The following NELL1 variants were observed in gnomAD, a reference collection of about 807,000 sequenced individuals.
NELL1 encodes the protein protein kinase C-binding protein NELL1.
In NELL1, 76 loss-of-function variants were observed where a neutral mutation model predicts 107.4. The ratio of observed to expected loss-of-function variants is 0.71; its 90% CI spans 0.59 to 0.86. The LOEUF (loss-of-function observed/expected upper bound fraction) is 0.86, where lower values mean the gene tolerates loss of function less well. Among genes scored for constraint, NELL1 ranks in the 40% least tolerant of loss-of-function variants. The pLI is 0.00. For synonymous variants in NELL1, 353 were observed against 341.2 expected (o/e 1.03, Z -0.38); for missense variants, 1,024 against 1,005.5 (o/e 1.02, Z -0.25).
At chr11:21,281,689 C>A (rs1848998067) in intron 14 of NELL1, among the ~76,000 whole-genome samples, 1 of 152,002 alleles carries the variant, frequency 6.6e-6, no homozygotes, top group Non-Finnish European at 1.5e-5. Context: ...ACCCCCAGAT[C>A]CAGAGAGAGA....
intron 15 of NELL1, among the ~76,000 whole-genome samples, chr11:21,446,180 TG>T (rs1223299267): frequency 6.6e-6 from 1 of 152,246 alleles, no homozygotes; most frequent in African/African-American, 2.4e-5. Context: ...CCAGAATTTC[TG>T]CTTGATTTTT....
At chr11:21,296,301 AAAG>A (rs1849374869) in intron 14 of NELL1, among the ~76,000 whole-genome samples, 1 of 151,956 alleles carries the variant, frequency 6.6e-6, no homozygotes, top group African/African-American at 2.4e-5. Flanking sequence ...AATTTTAAAA[AAAG>A]ACCAAAAAAC....
chr11:20,716,871 A>C (rs2133903202), intron 2 of NELL1, among the ~76,000 whole-genome samples: 1 of 152,362 alleles, frequency 6.6e-6, no homozygotes. Flanking sequence ...GTGAGTGTTA[A>C]CTGTTGCCTT....
At chr11:21,122,053 G>A (rs1292435244) in intron 13 of NELL1, among the ~76,000 whole-genome samples, 2 of 152,130 alleles carry the variant, frequency 1.3e-5, no homozygotes, top group Non-Finnish European at 1.5e-5. Flanking sequence ...GTGTTTGATT[G>A]TTTTGTTGGG....
chr11:21,093,810 C>T (rs976143989), intron 12 of NELL1, among the ~76,000 whole-genome samples: 2 of 152,096 alleles, frequency 1.3e-5, no homozygotes, highest in African/African-American at 4.8e-5. Context: ...AAAGACTTGC[C>T]CCCATGATTC....
intron 4 of NELL1, among the ~76,000 whole-genome samples, chr11:20,870,237 G>T (rs1436043126): frequency 6.6e-6 from 1 of 152,206 alleles, no homozygotes; most frequent in African/African-American, 2.4e-5. Context: ...GTTAAGTCCA[G>T]AATTTAGAAT....
At chr11:21,356,263 G>T (rs1215823192) in intron 14 of NELL1, among the ~76,000 whole-genome samples, 1 of 152,086 alleles carries the variant, frequency 6.6e-6, no homozygotes, top group Non-Finnish European at 1.5e-5. Context: ...TTGAGCCCTG[G>T]TTCTGAGTAA....
At chr11:21,105,483 C>T (rs1194098787) in intron 12 of NELL1, among the ~76,000 whole-genome samples, 1 of 152,106 alleles carries the variant, frequency 6.6e-6, no homozygotes, top group Non-Finnish European at 1.5e-5. Context: ...GCCATGTTGC[C>T]TGCTCCCTAC....
intron 12 of NELL1, among the ~76,000 whole-genome samples, chr11:21,100,019 C>CT (rs199853688): frequency 0.015 from 2,202 of 151,310 alleles, 64 homozygotes; most frequent in African/African-American, 0.051. Context: ...GCCATTTTAG[C>CT]CCTTTTTTTT....
intron 2 of NELL1, among the ~76,000 whole-genome samples, chr11:20,748,985 C>T (rs1353330070): frequency 6.6e-6 from 1 of 151,578 alleles, no homozygotes; most frequent in African/African-American, 2.4e-5. Context: ...TACTGAGGGG[C>T]TGTTATACCC....
chr11:21,118,935 T>C (rs1211307114), intron 13 of NELL1, among the ~76,000 whole-genome samples: 2 of 152,220 alleles, frequency 1.3e-5, no homozygotes, highest in East Asian at 1.9e-4. Context: ...CATTGATTTA[T>C]TGGATGATTG....
chr11:20,975,834 C>CAT (rs201909995), intron 12 of NELL1, among the ~76,000 whole-genome samples: 16,402 of 117,092 alleles, frequency 0.14, 1,685 homozygotes, highest in African/African-American at 0.23. Flanking sequence ...TATATATGTA[C>CAT]ATATGTGTAT....
intron 12 of NELL1, among the ~76,000 whole-genome samples, chr11:21,010,037 G>A (rs867667850): frequency 1.3e-5 from 2 of 150,462 alleles, no homozygotes; most frequent in Middle Eastern, 3.4e-3. Context: ...CCCAGGAATG[G>A]TGGTGTGAAG....
chr11:20,911,154 T>C (rs563967295), intron 5 of NELL1, among the ~76,000 whole-genome samples: 1 of 152,338 alleles, frequency 6.6e-6, no homozygotes, highest in South Asian at 2.1e-4. Context: ...AAGAACTTTG[T>C]GCTTGAGCTC....
intron 12 of NELL1, among the ~76,000 whole-genome samples, chr11:20,986,682 A>G (rs1851859569): frequency 6.6e-6 from 1 of 151,870 alleles, no homozygotes; most frequent in Non-Finnish European, 1.5e-5. Context: ...GGTCAGGAAC[A>G]TGCTTTTAGA....
At chr11:20,755,543 T>TA (rs1564894949) in intron 2 of NELL1, among the ~76,000 whole-genome samples, 7 of 39,316 alleles carry the variant, frequency 1.8e-4, no homozygotes, top group Non-Finnish European at 2.8e-4. Context: ...GGTTTTTGTT[T>TA]TTTTTTGTTT....
chr11:20,875,299 T>A (rs1355556180), intron 4 of NELL1, among the ~76,000 whole-genome samples: 1 of 152,220 alleles, frequency 6.6e-6, no homozygotes, highest in Non-Finnish European at 1.5e-5. Context: ...TTCATCTGAT[T>A]TGGCCCTAAT....
chr11:21,130,273 C>A (rs1225917661), intron 13 of NELL1, among the ~76,000 whole-genome samples: 1 of 152,132 alleles, frequency 6.6e-6, no homozygotes, highest in Non-Finnish European at 1.5e-5. Flanking sequence ...GTTTTACAGC[C>A]TCAGAGACTC....
intron 14 of NELL1, among the ~76,000 whole-genome samples, chr11:21,248,693 C>T (rs144978164): frequency 7.4e-4 from 112 of 152,224 alleles, no homozygotes; most frequent in African/African-American, 2.4e-3. Context: ...AAATGTTTCT[C>T]GATTTCCTTC....
Sources: allele counts gnomAD v4.1 joint callset (sites outside exome capture counted in the v4.1 genomes callset), GRCh38; gene constraint gnomAD v4.1.1; transcripts MANE v1.5; gene names NCBI Gene and HGNC (gene_info 2026-07-23, HGNC 2026-07-21).